TPO: variants seen among roughly 807,000 people sequenced by gnomAD.
TPO encodes thyroid peroxidase.
A neutral mutation model predicts 96.9 loss-of-function variants in TPO; 78 were observed. The ratio of observed to expected loss-of-function variants is 0.81; its 90% CI spans 0.67 to 0.97. The LOEUF (loss-of-function observed/expected upper bound fraction) is 0.97. TPO is among the 50% of genes least tolerant of loss of function. TPO has a pLI of 0.00. For missense variants in TPO, 1,252 were observed against 1,274.8 expected (o/e 0.98, Z 0.27); for synonymous variants, 547 against 538.0 (o/e 1.02, Z -0.23).
At chr2:1,379,697 C>A (rs564182446) in intron 1 of TPO, among the ~76,000 whole-genome samples, 1 of 152,270 alleles carries the variant, frequency 6.6e-6, no homozygotes, top group East Asian at 1.9e-4. Context: ...TTTCCAGGCT[C>A]CCTCCTCCTG....
At chr2:1,510,206 T>C (rs892341015) in intron 14 of TPO, among the ~76,000 whole-genome samples, 2 of 152,148 alleles carry the variant, frequency 1.3e-5, no homozygotes, top group African/African-American at 4.8e-5. Flanking sequence ...CAGATGTGAA[T>C]TGCAAAGGTA....
At chr2:1,514,073 TC>T (rs1326735878) in intron 14 of TPO, among the ~76,000 whole-genome samples, 1 of 152,030 alleles carries the variant, frequency 6.6e-6, no homozygotes, top group Admixed American at 6.6e-5. Context: ...GGCTGAGGAG[TC>T]CCAGGATCTG....
chr2:1,396,336 C>T (rs1373466088), intron 1 of TPO, among the ~76,000 whole-genome samples: 1 of 152,230 alleles, frequency 6.6e-6, no homozygotes, highest in East Asian at 1.9e-4. Context: ...AGCGTTTACC[C>T]ACTGGGGCCA....
At chr2:1,537,121 C>A (rs56699716) in intron 15 of TPO, among the ~76,000 whole-genome samples, 28,534 of 98,904 alleles carry the variant, frequency 0.29, 5,489 homozygotes, top group East Asian at 0.41. Context: ...CTAGATCCCC[C>A]CTATGTGCAA....
intron 15 of TPO, among the ~76,000 whole-genome samples, chr2:1,528,304 C>T (rs1240300981): frequency 1.5e-5 from 2 of 137,368 alleles, no homozygotes; most frequent in African/African-American, 5.6e-5. Context: ...CAAATTCCCC[C>T]ACTGTGTGCA....
rs115515695 is a variant in TPO, at chr2:1,489,449, C to T, written c.1768+1458C>T. Among the ~76,000 whole-genome samples the T allele has an allele frequency of 5.4e-3, 819 of 152,312 alleles. 6 individuals are homozygous for T. The highest frequency in any genetic ancestry group is 0.019 in the African/African-American group (786 of 41,580). ...TGTGCCACAGAGTGGGGGACCCCCTCCCGGCTCTCACAACCCCCACCTTCC... is the reference window on the plus strand; with the variant it reads ...TGTGCCACAGAGTGGGGGACCCCCTTCCGGCTCTCACAACCCCCACCTTCC... On this transcript the variant is annotated intron_variant, in intron 10 of 16. Transcript: ENST00000329066.
intron 5 of TPO, among the ~76,000 whole-genome samples, chr2:1,438,116 G>A (rs529736085): frequency 6.6e-6 from 1 of 151,960 alleles, no homozygotes; most frequent in South Asian, 2.1e-4. Context: ...GACTACACGG[G>A]GAGGAGCAGG....
At position 1,389,956 on chromosome 2, in the gene TPO, G is replaced by A. The variant is rs113565669; in HGVS notation, n.180+15554G>A. Among the ~76,000 whole-genome samples, 578 of 151,366 alleles carry A rather than the reference G, an allele frequency of 3.8e-3. 1 individual carries two copies. The highest frequency in any genetic ancestry group is 0.013 in the African/African-American group (545 of 41,258). Reference sequence around the variant, plus strand: ...GCCACCTTTTCTTCCCAGGGACCACGCCTGGTTTTTTACTGTGGTGTCCCC... The same window carrying A: ...GCCACCTTTTCTTCCCAGGGACCACACCTGGTTTTTTACTGTGGTGTCCCC... On this transcript the variant is annotated intron_variant and non_coding_transcript_variant, in intron 1 of 5. Coordinates refer to the TPO transcript ENST00000497517.
intron 11 of TPO, among the ~76,000 whole-genome samples, chr2:1,494,668 G>A (rs527678084): frequency 1.5e-4 from 23 of 152,346 alleles, no homozygotes; most frequent in African/African-American, 4.1e-4. Flanking sequence ...AAGCAGGTGC[G>A]CAGGATACCA....
intron 4 of TPO, among the ~76,000 whole-genome samples, chr2:1,434,126 C>T (rs1163541728): frequency 6.6e-6 from 1 of 152,158 alleles, no homozygotes; most frequent in Non-Finnish European, 1.5e-5. Flanking sequence ...AAGACCAGTG[C>T]ATAAACCAGG....
rs992404698 is a variant in TPO at position 1,461,536 on chromosome 2, C to A, written c.819+5254C>A. ...TAAGAAAAGTCTCCTCAGAAGAACC[C>A]GAGTGGGAGTGAAAAGCAAAAGTGA... On this transcript the variant is annotated intron_variant, in intron 7 of 16. Coordinates refer to ENST00000329066, the MANE Select transcript of TPO (RefSeq NM_001206744.2). Among the ~76,000 whole-genome samples the A allele has an allele frequency of 2.6e-5, 4 of 152,230 alleles. No homozygotes were observed. The South Asian group carries it at 8.3e-4, about 32-fold the overall frequency.
intron 6 of TPO, among the ~76,000 whole-genome samples, chr2:1,455,357 CACCCCATTCCAAGGTTCCCCCAA>C (rs1667691766): frequency 6.6e-6 from 1 of 152,138 alleles, no homozygotes; most frequent in Non-Finnish European, 1.5e-5. Context: ...CTAACATGCT[CACCCCATTCCAAGGTTCCCCCAA>C]ACCCCATCCC....
At chr2:1,478,256 G>A (rs1420130500) in intron 8 of TPO, 1 of 985,326 alleles carries the variant, frequency 1.0e-6, no homozygotes, top group Non-Finnish European at 1.2e-6. Flanking sequence ...TTATGCACCT[G>A]GAAATGCGGT....
chr2:1,479,773 TCTTCTTCTC>T (rs1006297937), intron 8 of TPO, among the ~76,000 whole-genome samples: 31 of 145,834 alleles, frequency 2.1e-4, no homozygotes, highest in African/African-American at 7.8e-4. Flanking sequence ...CTCCTCCTCT[TCTTCTTCTC>T]CTTCTTCTTC....
At position 1,520,070 on chromosome 2, in the gene TPO, C is replaced by T. The variant is rs184196597; in HGVS notation, c.2618+3088C>T. Among the ~76,000 whole-genome samples, 18 of 152,298 alleles carry T rather than the reference C, an allele frequency of 1.2e-4. No homozygotes were observed. In the East Asian group the frequency reaches 3.5e-3, roughly 29 times the overall value. ...ATGTGCCATCACACGCTTGAGAACA[C>T]AGGCAGTTACAGAGTCAGAGACCAT... is the stretch of plus-strand genomic sequence containing the variant. On this transcript the variant is annotated intron_variant, in intron 15 of 16. Transcript: ENST00000329066.
intron 5 of TPO, among the ~76,000 whole-genome samples, chr2:1,453,150 T>G: frequency 6.6e-6 from 1 of 152,218 alleles, no homozygotes; most frequent in East Asian, 1.9e-4. Context: ...TCAAATTCAT[T>G]TATTAATGGT....
chr2:1,390,118 T>A (rs923831264), intron 1 of TPO, among the ~76,000 whole-genome samples: 3 of 151,896 alleles, frequency 2.0e-5, no homozygotes, highest in East Asian at 1.9e-4. Context: ...TTGCCACACC[T>A]ATCAACTCGT....
intron 14 of TPO, among the ~76,000 whole-genome samples, chr2:1,511,124 G>A (rs995710888): frequency 1.5e-4 from 23 of 151,050 alleles, no homozygotes; most frequent in South Asian, 2.1e-4. Flanking sequence ...TGTTCCTAAC[G>A]TTGCGGTTAA....
chr2:1,495,922 G>C, intron 11 of TPO, 67 bp from the exon 12 acceptor site: 1 of 1,534,594 alleles, frequency 6.5e-7, no homozygotes, highest in South Asian at 1.2e-5. Context: ...TGGGCAGCTG[G>C]TCTTGAGTGC....
Sources: allele counts gnomAD v4.1 joint callset (sites outside exome capture counted in the v4.1 genomes callset), GRCh38; gene constraint gnomAD v4.1.1; transcripts MANE v1.5; gene names NCBI Gene and HGNC (gene_info 2026-07-23, HGNC 2026-07-21).